Variants in SBNO1 observed in about 807,000 individuals in gnomAD.
SBNO1 encodes the protein strawberry notch homolog 1.
Under a neutral mutation model 173.6 loss-of-function variants are expected in SBNO1, and 23 were observed. That is an observed-to-expected ratio of 0.13 (90% CI 0.10 to 0.19). SBNO1 has a LOEUF of 0.19. Among genes scored for constraint, SBNO1 ranks in the 10% least tolerant of loss-of-function variants. SBNO1 has a pLI of 1.00. For synonymous variants in SBNO1, 632 were observed against 571.5 expected, an observed-to-expected ratio of 1.11 and a Z score of -1.51; for missense variants, 1,238 against 1,671.2, an observed-to-expected ratio of 0.74 and a Z score of 4.52.
intron 30 of SBNO1, among the ~76,000 whole-genome samples, chr12:123,299,680 T>TAAAAA (rs2048718309): frequency 2.4e-4 from 6 of 24,692 alleles, no homozygotes; most frequent in East Asian, 8.3e-3. Flanking sequence ...GACTCTGTCT[T>TAAAAA]CAAAAAAAAA....
intron 24 of SBNO1, among the ~76,000 whole-genome samples, chr12:123,311,724 A>ATCTATC (rs1354447042): frequency 0.027 from 1,690 of 62,806 alleles, 14 homozygotes; most frequent in East Asian, 0.1. Context: ...ATCTATCTAT[A>ATCTATC]TATATATATA....
chr12:123,340,151 CT>C (rs1380838211), intron 5 of SBNO1, among the ~76,000 whole-genome samples: 3 of 152,128 alleles, frequency 2.0e-5, no homozygotes, highest in Non-Finnish European at 2.9e-5. Flanking sequence ...ATTTTGCTTA[CT>C]GAAGGTAGAA....
intron 31 of SBNO1, among the ~76,000 whole-genome samples, chr12:123,297,076 G>A (rs2048622316): frequency 6.6e-6 from 1 of 151,486 alleles, no homozygotes; most frequent in Non-Finnish European, 1.5e-5. Context: ...TAATTCAAAT[G>A]AGGCTGGGCT....
chr12:123,360,106 T>G (rs1467977312), intron 1 of SBNO1, among the ~76,000 whole-genome samples: 2 of 151,832 alleles, frequency 1.3e-5, no homozygotes, highest in African/African-American at 4.8e-5. Context: ...TAGCCAGGTA[T>G]GGTGGTGGGC....
rs1046432518 is a variant in SBNO1, at chr12:123,290,509, G to C, written c.*5399C>G. On this transcript the variant is annotated 3_prime_UTR_variant, in exon 32 of 32. Transcript: ENST00000602398. ...TGAACCATCCGGGTCTTCCCAACTC[G>C]AATTATTAAAAACGCCTCGATCCCG... 6.6e-6 allele frequency: 1 copy of C among 151,918 alleles called. No individual in the cohort carries two copies. Among genetic ancestry groups the C allele is most frequent in the African/African-American group, 2.4e-5 (1 of 41,340 alleles). 9.4% of individuals were successfully genotyped at this position (151,918 alleles called of 1,614,324 possible).
Position 123,295,788 on chromosome 12 carries a change from C to A in SBNO1, c.*120G>T. 7 of 1,374,950 alleles carry A rather than the reference C, an allele frequency of 5.1e-6. No individual in the cohort carries two copies. Among genetic ancestry groups the A allele is most frequent in the Non-Finnish European group, 5.9e-6 (6 of 1,011,522 alleles). The allele number at this position is 1,374,950 out of a possible 1,614,324, so 85.2% of individuals were successfully genotyped here. The stretch of plus-strand genomic sequence containing the variant: ...AGGTTTGTCCTTACTCCCAAAAAAA[C>A]TAACTAGAGAGCACAACTGAAAAAA... On this transcript the variant is annotated 3_prime_UTR_variant, in exon 32 of 32. Transcript: ENST00000602398.
intron 1 of SBNO1, among the ~76,000 whole-genome samples, chr12:123,354,692 A>C (rs993737730): frequency 2.0e-5 from 3 of 152,180 alleles, no homozygotes; most frequent in African/African-American, 7.2e-5. Context: ...TAGGAGGAAA[A>C]ACATTTTCAC....
chr12:123,311,705 T>TA (rs1414391279), intron 24 of SBNO1, among the ~76,000 whole-genome samples: 2 of 61,972 alleles, frequency 3.2e-5, no homozygotes, highest in Non-Finnish European at 7.3e-5. Context: ...TCTATCTATC[T>TA]ATCTATCTAT....
chr12:123,349,630 C>T (rs1425019643), intron 2 of SBNO1, among the ~76,000 whole-genome samples: 2 of 147,022 alleles, frequency 1.4e-5, no homozygotes, highest in African/African-American at 5.4e-5. Context: ...ATAAAAATAA[C>T]ATTTGGCCGG....
chr12:123,302,814 A>G lies in SBNO1; in HGVS notation c.3845+10T>C, dbSNP rs1334098619. On this transcript the variant is annotated intron_variant, in intron 30 of 31. Coordinates refer to ENST00000602398, the MANE Select transcript of SBNO1 (RefSeq NM_001167856.3). ...TTGGAAAATTTGGTAGGAAACACGA[A>G]AATACTAACCAATAAGCATGAGTAC... The G allele has an allele frequency of 6.2e-7, 1 of 1,608,412 alleles. No homozygotes were observed. The highest frequency in any genetic ancestry group is 1.7e-5 in the Admixed American group (1 of 59,534).
At chr12:123,353,293 G>A (rs1011503533) in intron 1 of SBNO1, among the ~76,000 whole-genome samples, 1 of 152,126 alleles carries the variant, frequency 6.6e-6, no homozygotes, top group Non-Finnish European at 1.5e-5. Flanking sequence ...GAAACTGAGG[G>A]TCAGAAAACT....
At position 123,345,546 on chromosome 12, in the gene SBNO1, A is replaced by G; in HGVS notation, c.262T>C (p.Phe88Leu). Reference sequence around the variant, plus strand: ...AGATGATTTATTTGATTCAGCACAAATGTTGTAGTAGATGGAGGCTGCTGC... The same window carrying G: ...AGATGATTTATTTGATTCAGCACAAGTGTTGTAGTAGATGGAGGCTGCTGC... ...VRQQPPSTTT[F>L]VLNQINHLPP... is the part of the protein sequence containing the mutation. Residue 88 changes from phenylalanine to leucine, a missense_variant, in exon 4 of 32, where the codon TTT becomes CTT. Phe to Leu is a conservative substitution (Grantham distance 22). Around this residue, in one of 14 missense-constraint regions of SBNO1, gnomAD observed 287 missense variants for 274.1 expected, o/e 1.05. Coordinates refer to ENST00000602398, the MANE Select transcript of SBNO1 (RefSeq NM_001167856.3). 1 of 1,613,936 alleles carries G rather than the reference A, an allele frequency of 6.2e-7. No homozygotes were observed.
chr12:123,309,422 A>C lies in SBNO1; in HGVS notation c.3538-20T>G. 1 of 1,608,098 alleles carries C rather than the reference A, an allele frequency of 6.2e-7. No homozygotes were observed. The highest frequency in any genetic ancestry group is 1.1e-5 in the South Asian group (1 of 90,962). On this transcript the variant is annotated intron_variant, in intron 27 of 31. Coordinates refer to ENST00000602398, the MANE Select transcript of SBNO1 (RefSeq NM_001167856.3). The stretch of plus-strand genomic sequence containing the variant: ...ACTAATCTGTAAGAGAAACAACGAA[A>C]TTTAAACTCATTTCTGTAAATGCAT...
chr12:123,345,240 T>C lies in SBNO1; in HGVS notation c.550+18A>G, dbSNP rs1349013702. 9.4e-6 allele frequency: 15 copies of C among 1,594,982 alleles called. No homozygotes were observed. The highest frequency in any genetic ancestry group is 1.3e-5 in the Non-Finnish European group (15 of 1,165,202). On this transcript the variant is annotated intron_variant, in intron 4 of 31. Transcript: ENST00000602398. ...CTTACCAGAGAGAGAAAGTTGATAC[T>C]ATTGAAAACAGACTTACTAGCTGCT...
chr12:123,352,874 C>T (rs750258387), intron 1 of SBNO1, among the ~76,000 whole-genome samples: 6 of 151,966 alleles, frequency 3.9e-5, no homozygotes, highest in Non-Finnish European at 7.4e-5. Flanking sequence ...CTCGGCTCAC[C>T]GCAACCTCCG....
chr12:123,349,670 A>G (rs962725710), intron 2 of SBNO1, among the ~76,000 whole-genome samples: 2 of 152,202 alleles, frequency 1.3e-5, no homozygotes, highest in African/African-American at 4.8e-5. Flanking sequence ...TAACCCCAGC[A>G]CTTTGGGAGG....
intron 30 of SBNO1, among the ~76,000 whole-genome samples, chr12:123,302,201 G>A (rs1456280086): frequency 6.6e-6 from 1 of 150,974 alleles, no homozygotes; most frequent in Non-Finnish European, 1.5e-5. Flanking sequence ...CCAAAGTGCT[G>A]GGATTACAGG....
intron 20 of SBNO1, among the ~76,000 whole-genome samples, chr12:123,318,084 C>G (rs1301708717): frequency 6.6e-6 from 1 of 152,170 alleles, no homozygotes; most frequent in Non-Finnish European, 1.5e-5. Context: ...ACCTCAGCCT[C>G]CTCAGTAGCT....
At chr12:123,305,215 T>C (rs1273843695) in intron 28 of SBNO1, among the ~76,000 whole-genome samples, 1 of 152,192 alleles carries the variant, frequency 6.6e-6, no homozygotes, top group Non-Finnish European at 1.5e-5. Context: ...AAGTTAACAA[T>C]AGAATTCAAG....
Sources: allele counts gnomAD v4.1 joint callset (sites outside exome capture counted in the v4.1 genomes callset), GRCh38; gene constraint gnomAD v4.1.1; regional missense constraint gnomAD v4.1.1; transcripts MANE v1.5; gene names NCBI Gene and HGNC (gene_info 2026-07-23, HGNC 2026-07-21).